ADPRS: variants seen among roughly 807,000 people sequenced by gnomAD.
The protein encoded by ADPRS is ADP-ribosylserine hydrolase, also known as ADP-ribosylhydrolase ARH3.
In ADPRS, 25 loss-of-function variants were observed where a neutral mutation model predicts 32.1. The ratio of observed to expected loss-of-function variants is 0.78; its 90% CI spans 0.57 to 1.09. The LOEUF is 1.09. Ranked by LOEUF, ADPRS falls within the 50% of genes least tolerant of loss-of-function variation. ADPRS has a pLI of 0.00. For missense variants in ADPRS, 482 were observed against 480.6 expected (o/e 1.00, Z -0.03); for synonymous variants, 225 against 201.0 (o/e 1.12, Z -1.01).
At chr1:36,091,149 A>G (rs781733452) in intron 1 of ADPRS, 95 bp from the exon 2 acceptor site, 20 of 966,612 alleles carry the variant, frequency 2.1e-5, no homozygotes, top group Non-Finnish European at 2.9e-5. Context: ...AGTCTGGGCA[A>G]CAGAGCGAGA....
intron 5 of ADPRS, among the ~76,000 whole-genome samples, 167 bp downstream of exon 5, chr1:36,092,689 C>T (rs1370765121): frequency 6.6e-6 from 1 of 152,222 alleles, no homozygotes; most frequent in Non-Finnish European, 1.5e-5. Context: ...GAAGCTACAG[C>T]ACCCTCAGCC....
chr1:36,093,021 C>T, intron 5 of ADPRS, 76 bp from the exon 6 acceptor site: 1 of 1,489,648 alleles, frequency 6.7e-7, no homozygotes, highest in Non-Finnish European at 9.2e-7. Context: ...CTGCTTGAAG[C>T]CGAGAGTGCT....
chr1:36,091,311 G>T lies in ADPRS; in HGVS notation c.279G>T (p.Glu93Asp), dbSNP rs773521813. Residue 93 changes from glutamate (E) to aspartate (D), a missense_variant, in exon 2 of 6, where the codon GAG becomes GAT. Coordinates refer to ENST00000373178, the MANE Select transcript of ADPRS (RefSeq NM_017825.3). The part of the protein sequence containing the change: ...RALVQSLLAK[E>D]AFDEVDMAHR... ...TGGTGCAGTCCCTGCTAGCCAAGGA[G>T]GCCTTTGACGAGGTGGACATGGCTC... 1.2e-6 allele frequency: 2 copies of T among 1,614,198 alleles called. No individual in the cohort carries two copies.
rs1164003982 is a variant in ADPRS at position 36,093,218 on chromosome 1, C to T, written c.924C>T (p.Ser308=). 6.2e-7 allele frequency: 1 copy of T among 1,614,252 alleles called. No homozygotes were observed. Among genetic ancestry groups the T allele is most frequent in the Admixed American group, 1.7e-5 (1 of 60,030 alleles). The change falls in exon 6 of 6, where the codon TCC becomes TCT. Residue 308 remains serine, a synonymous_variant. Transcript: ENST00000373178. ...FNSLQRTLIY[S]ISLGGDTDTI... ...GCCTCCAAAGGACTCTCATTTATTC[C>T]ATCTCACTTGGTGGGGACACAGACA...
At chr1:36,091,144 G>T in intron 1 of ADPRS, 100 bp from the exon 2 acceptor site, 1 of 902,304 alleles carries the variant, frequency 1.1e-6, no homozygotes, top group South Asian at 1.5e-5. Context: ...ACTCCAGTCT[G>T]GGCAACAGAG....
At position 36,093,410 on chromosome 1, in the gene ADPRS, C is replaced by T; in HGVS notation, c.*24C>T. On this transcript the variant is annotated 3_prime_UTR_variant, in exon 6 of 6. Coordinates refer to ENST00000373178, the MANE Select transcript of ADPRS (RefSeq NM_017825.3). ...GATGAGGGCTACAGCTGTTGGGGCT[C>T]TGCCAGGTCCCCTGGGACCAACTAC... 3 of 1,595,788 alleles carry T rather than the reference C, an allele frequency of 1.9e-6. No individual in the cohort carries two copies. The highest frequency in any genetic ancestry group is 3.3e-4 in the Middle Eastern group (2 of 5,986).
chr1:36,091,454 T>A, intron 2 of ADPRS, 114 bp downstream of exon 2: 1 of 1,253,318 alleles, frequency 8.0e-7, no homozygotes, highest in South Asian at 1.3e-5. Flanking sequence ...CAGAAGCCTG[T>A]GTCAGGCTGG....
chr1:36,093,291 G>T lies in ADPRS; in HGVS notation c.997G>T (p.Asp333Tyr). 1 of 1,614,250 alleles carries T rather than the reference G, an allele frequency of 6.2e-7. No homozygotes were observed. The highest frequency in any genetic ancestry group is 8.5e-7 in the Non-Finnish European group (1 of 1,180,048). Residue 333 changes from aspartate to tyrosine, a missense_variant, in exon 6 of 6, where the codon GAT (aspartate) becomes TAT (tyrosine). Coordinates refer to ENST00000373178, the MANE Select transcript of ADPRS (RefSeq NM_017825.3). ...GAIAGAYYGM[D>Y]QVPESWQQSC... ...CATTGCTGGTGCCTACTATGGGATGGATCAGGTGCCAGAGAGCTGGCAGCA... is the reference window on the plus strand; with the variant it reads ...CATTGCTGGTGCCTACTATGGGATGTATCAGGTGCCAGAGAGCTGGCAGCA...
intron 1 of ADPRS, 73 bp downstream of exon 1, chr1:36,089,188 A>G: frequency 7.3e-7 from 1 of 1,360,922 alleles, no homozygotes; most frequent in African/African-American, 1.5e-5. Flanking sequence ...TCCGGGGGCG[A>G]CGGGTCGGGG....
At chr1:36,089,773 G>A (rs373514) in intron 1 of ADPRS, among the ~76,000 whole-genome samples, 3,143 of 152,260 alleles carry the variant, frequency 0.021, 127 homozygotes, top group African/African-American at 0.07. Flanking sequence ...GCCAGCCTTG[G>A]CCTTGCTTTC....
chr1:36,093,758 T>G lies in ADPRS; in HGVS notation c.*372T>G, dbSNP rs1390586489. 5.0e-6 allele frequency: 1 copy of G among 202,006 alleles called. No individual in the cohort carries two copies. The highest frequency in any genetic ancestry group is 1.0e-5 in the Non-Finnish European group (1 of 97,730). The allele number at this position is 202,006 out of a possible 1,614,324, so 12.5% of individuals were successfully genotyped here. A position where few individuals can be genotyped will look rare whatever the true frequency, so the allele number is the denominator to read the frequency against. On this transcript the variant is annotated 3_prime_UTR_variant, in exon 6 of 6. Transcript: ENST00000373178. The stretch of plus-strand genomic sequence containing the variant: ...TAGCATCATTTCTCCCTGTTGGGTT[T>G]TAGCCAGTTTGCCAGCAAGCGCATC...
rs1045143850 is a variant in ADPRS at position 36,088,951 on chromosome 1, C to T, written c.47C>T (p.Ala16Val). Residue 16 changes from alanine to valine, a missense_variant, in exon 1 of 6, where the codon GCG (alanine) becomes GTG (valine). Transcript: ENST00000373178. ...MAAAAGGGAG[A>V]ARSLSRFRGC... The stretch of plus-strand genomic sequence containing the variant: ...GCAGCGGCAGGTGGAGGGGCTGGCG[C>T]GGCCCGCTCCCTCTCGCGCTTCCGA... The T allele has an allele frequency of 6.6e-6, 10 of 1,512,450 alleles. No individual in the cohort carries two copies. The Admixed American group carries it at 1.5e-4, about 23-fold the overall frequency. 93.7% of individuals were successfully genotyped at this position (1,512,450 alleles called of 1,614,324 possible). A position where few individuals can be genotyped will look rare whatever the true frequency, so the allele number is the denominator to read the frequency against.
chr1:36,090,679 CAAAAAAAAA>C (rs10625386), intron 1 of ADPRS, among the ~76,000 whole-genome samples: 45 of 65,362 alleles, frequency 6.9e-4, no homozygotes, highest in African/African-American at 1.8e-3. Flanking sequence ...TCCATCTCTA[CAAAAAAAAA>C]AAAAAAAAAA....
rs760855749 is a variant in ADPRS, at chr1:36,093,335, G to A, written c.1041G>A (p.Glu347=). ...GGCAGCAAAGCTGTGAAGGCTACGA[G>A]GAGACAGACATCCTGGCCCAAAGCC... The part of the protein sequence containing the change: ...ESWQQSCEGY[E]ETDILAQSLH... The change falls in exon 6 of 6, where the codon GAG becomes GAA. Residue 347 remains glutamate, a synonymous_variant. Coordinates refer to ENST00000373178, the MANE Select transcript of ADPRS (RefSeq NM_017825.3). 6.2e-7 allele frequency: 1 copy of A among 1,614,250 alleles called. No individual in the cohort carries two copies. Among genetic ancestry groups the A allele is most frequent in the East Asian group, 2.2e-5 (1 of 44,890 alleles).
At position 36,089,069 on chromosome 1, in the gene ADPRS, C is replaced by T. The variant is rs779962601; in HGVS notation, c.165C>T (p.Val55=). 2 of 1,457,882 alleles carry T rather than the reference C, an allele frequency of 1.4e-6. No individual in the cohort carries two copies. The highest frequency in any genetic ancestry group is 2.9e-5 in the South Asian group (2 of 69,270). The allele number at this position is 1,457,882 out of a possible 1,614,324, so 90.3% of individuals were successfully genotyped here. ...TVDLTSVLRH[V]QSLEPDPGTP... is the part of the protein sequence containing the mutation. ...ACCTGACGTCAGTCCTGCGTCATGTCCAGAGTCTGGAGCCGGACCCCGGCA... is the reference window on the plus strand; with the variant it reads ...ACCTGACGTCAGTCCTGCGTCATGTTCAGAGTCTGGAGCCGGACCCCGGCA... The change falls in exon 1 of 6, where the codon GTC becomes GTT. Residue 55 remains valine (V), a synonymous_variant. Coordinates refer to ENST00000373178, the MANE Select transcript of ADPRS (RefSeq NM_017825.3).
rs770349925 is a variant in ADPRS, at chr1:36,092,479, A to G, written c.759A>G (p.Leu253=). 6.2e-7 allele frequency: 1 copy of G among 1,614,220 alleles called. No homozygotes were observed. ...SSRLKKIGEL[L]DQASVTREEV... ...GCCTGAAGAAGATTGGAGAGCTTCT[A>G]GACCAGGCATCGGTGACCAGGGAGG... The change falls in exon 5 of 6, where the codon CTA becomes CTG. Residue 253 remains leucine, a synonymous_variant. Transcript: ENST00000373178.
intron 2 of ADPRS, 131 bp downstream of exon 2, chr1:36,091,471 T>G: frequency 1.6e-6 from 2 of 1,219,434 alleles, no homozygotes; most frequent in Non-Finnish European, 2.3e-6. Flanking sequence ...CTGGCACAGC[T>G]TCCCAAGCTA....
At chr1:36,089,368 TAAACCCATCGTAAGTTGAA>T (rs1643446784) in intron 1 of ADPRS, among the ~76,000 whole-genome samples, 1 of 152,236 alleles carries the variant, frequency 6.6e-6, no homozygotes, top group South Asian at 2.1e-4. Context: ...AGGGTGTGGA[TAAACCCATCGTAAGTTGAA>T]AATACCTGAA....
chr1:36,091,840 C>T lies in ADPRS; in HGVS notation c.516+15C>T. 6.3e-7 allele frequency: 1 copy of T among 1,588,150 alleles called. No homozygotes were observed. Among genetic ancestry groups the T allele is most frequent in the Non-Finnish European group, 8.6e-7 (1 of 1,162,840 alleles). The stretch of plus-strand genomic sequence containing the variant: ...ATGTGCAGAAGGTATTCAGGGCGGG[C>T]TGGCTTCTGGGCTGTCCCCTTCCTC... On this transcript the variant is annotated intron_variant, in intron 3 of 5. Coordinates refer to ENST00000373178, the MANE Select transcript of ADPRS (RefSeq NM_017825.3).
Sources: gnomAD v4.1 joint callset for allele counts (sites outside exome capture counted in the v4.1 genomes callset) on GRCh38, gnomAD v4.1.1 for gene constraint, MANE v1.5 for transcripts, NCBI Gene and HGNC (gene_info 2026-07-23, HGNC 2026-07-21) for gene names.